The following SNX9 variants were observed in gnomAD, a reference collection of about 807,000 sequenced individuals.
The protein encoded by SNX9 is sorting nexin-9.
SNX9 carries 44 observed loss-of-function variants against 89.4 expected under a neutral mutation model. That is an observed-to-expected ratio of 0.49 (90% CI 0.39 to 0.63). The LOEUF (loss-of-function observed/expected upper bound fraction) is 0.63, where lower values mean the gene tolerates loss of function less well. Among genes scored for constraint, SNX9 ranks in the 30% least tolerant of loss-of-function variants. SNX9 has a pLI of 0.00. For missense variants in SNX9, 578 were observed against 736.1 expected, an observed-to-expected ratio of 0.79 and a Z score of 2.49; for synonymous variants, 236 against 247.8, an observed-to-expected ratio of 0.95 and a Z score of 0.45.
intron 9 of SNX9, among the ~76,000 whole-genome samples, chr6:157,919,453 G>GT (rs1295141741): frequency 2.8e-5 from 4 of 143,828 alleles, no homozygotes; most frequent in Non-Finnish European, 3.1e-5. Flanking sequence ...TTCACTAGGT[G>GT]TTTTTTTTCT....
chr6:157,888,268 G>C (rs1231855322), intron 4 of SNX9, among the ~76,000 whole-genome samples: 3 of 152,182 alleles, frequency 2.0e-5, no homozygotes, highest in Admixed American at 2.0e-4. Flanking sequence ...TTCCTCTGGA[G>C]TTTGTTTCTC....
chr6:157,911,174 C>T (rs913296022), intron 9 of SNX9, among the ~76,000 whole-genome samples: 1 of 152,084 alleles, frequency 6.6e-6, no homozygotes, highest in Non-Finnish European at 1.5e-5. Context: ...AAAGGTTAGA[C>T]AGAGTTTTAG....
intron 4 of SNX9, among the ~76,000 whole-genome samples, chr6:157,877,913 C>T (rs13218342): frequency 1.4e-4 from 22 of 152,224 alleles, no homozygotes; most frequent in African/African-American, 4.8e-4. Context: ...TCCTGAGTGT[C>T]GTATTTTTCT....
chr6:157,910,639 C>T (rs1041028443), intron 9 of SNX9, among the ~76,000 whole-genome samples: 1 of 152,152 alleles, frequency 6.6e-6, no homozygotes, highest in East Asian at 1.9e-4. Context: ...TCCCTCCCCT[C>T]CCCCAGCCCC....
chr6:157,827,029 CATATATATTATAGTTTATATAATATATAA>C (rs1781378621), intron 1 of SNX9, among the ~76,000 whole-genome samples: 1 of 10,214 alleles, frequency 9.8e-5, no homozygotes, highest in Non-Finnish European at 1.3e-4. Flanking sequence ...ATAATATATA[CATATATATTATAGTTTATATAATATATAA>C]ACATATATTA....
Position 157,932,204 on chromosome 6 carries a change from A to T in SNX9, c.1298A>T (p.Lys433Met). 10 of 1,614,176 alleles carry T rather than the reference A, an allele frequency of 6.2e-6. No individual in the cohort carries two copies. The highest frequency in any genetic ancestry group is 7.6e-6 in the Non-Finnish European group (9 of 1,179,990). Residue 433 changes from lysine (K) to methionine (M), a missense_variant, in exon 13 of 18, where the codon AAG becomes ATG. This residue lies in a region of SNX9 where 348 missense variants were observed against 491.4 expected (regional missense o/e 0.71). Coordinates refer to ENST00000392185, the MANE Select transcript of SNX9 (RefSeq NM_016224.5). ...CCTTTTTGTCTTTCAGCATTACCCA[A>T]GGAATATCAGAAGATAGGAAAGGCC... is the stretch of plus-strand genomic sequence containing the variant. ...HWKRCTGPLP[K>M]EYQKIGKALQ...
At chr6:157,879,730 T>A (rs746795883) in intron 4 of SNX9, among the ~76,000 whole-genome samples, 15 of 152,236 alleles carry the variant, frequency 9.9e-5, no homozygotes, top group Non-Finnish European at 2.1e-4. Context: ...CTGTGTGTGC[T>A]AGTCTTGTTT....
intron 2 of SNX9, among the ~76,000 whole-genome samples, chr6:157,871,697 T>A (rs911776888): frequency 2.0e-5 from 3 of 151,716 alleles, no homozygotes; most frequent in Admixed American, 6.6e-5. Context: ...TAAAAATTTT[T>A]AAAAATGCTA....
chr6:157,913,238 A>G (rs1197186838), intron 9 of SNX9, among the ~76,000 whole-genome samples: 1 of 152,094 alleles, frequency 6.6e-6, no homozygotes, highest in East Asian at 1.9e-4. Context: ...TGTTCTGTTC[A>G]AGTCCACTTT....
At chr6:157,875,020 GA>G (rs760891704) in intron 3 of SNX9, 30 bp from the exon 4 acceptor site, 2 of 1,611,452 alleles carry the variant, frequency 1.2e-6, no homozygotes, top group South Asian at 2.2e-5. Context: ...CGTAATCTAT[GA>G]AAATAATTGC....
At chr6:157,833,749 A>G (rs1439675474) in intron 1 of SNX9, among the ~76,000 whole-genome samples, 1 of 152,218 alleles carries the variant, frequency 6.6e-6, no homozygotes, top group Non-Finnish European at 1.5e-5. Flanking sequence ...TTCCTAAACC[A>G]TGACTCAGAT....
At chr6:157,860,485 C>T (rs559607502) in intron 1 of SNX9, among the ~76,000 whole-genome samples, 3 of 152,260 alleles carry the variant, frequency 2.0e-5, no homozygotes, top group East Asian at 1.9e-4. Context: ...GGCAGTCACA[C>T]GTAGGTTTCA....
chr6:157,928,533 C>A, intron 11 of SNX9, 66 bp from the exon 12 acceptor site: 1 of 1,287,804 alleles, frequency 7.8e-7, no homozygotes, highest in Non-Finnish European at 1.1e-6. Context: ...TTATATTTGG[C>A]CCGAGTATCC....
chr6:157,855,448 T>C (rs967251851), intron 1 of SNX9, among the ~76,000 whole-genome samples: 1 of 152,258 alleles, frequency 6.6e-6, no homozygotes, highest in Non-Finnish European at 1.5e-5. Context: ...GTAATCCTGA[T>C]AGGCATTACC....
intron 5 of SNX9, among the ~76,000 whole-genome samples, chr6:157,899,252 C>G (rs1783044136): frequency 1.3e-5 from 2 of 152,162 alleles, no homozygotes; most frequent in Admixed American, 6.5e-5. Context: ...TTTTTAATGT[C>G]CCCCTCGTTG....
At chr6:157,894,980 A>G (rs1006130712) in intron 4 of SNX9, among the ~76,000 whole-genome samples, 1 of 152,156 alleles carries the variant, frequency 6.6e-6, no homozygotes, top group Non-Finnish European at 1.5e-5. Flanking sequence ...AGATGAAGGG[A>G]CACATTGGGT....
intron 3 of SNX9, chr6:157,874,159 A>G (rs953272732): frequency 1.3e-5 from 2 of 152,242 alleles, no homozygotes; most frequent in African/African-American, 4.8e-5. Flanking sequence ...TCTGTTGTTG[A>G]TAGACAGTGA....
At chr6:157,921,768 C>T (rs1227717487) in intron 10 of SNX9, 107 bp downstream of exon 10, 2 of 1,275,556 alleles carry the variant, frequency 1.6e-6, no homozygotes, top group Non-Finnish European at 2.1e-6. Flanking sequence ...TTATTTCTCA[C>T]TTCCTCCAGT....
chr6:157,942,924 A>G lies in SNX9; in HGVS notation c.*86A>G, dbSNP rs1784072837. 6 of 1,409,048 alleles carry G rather than the reference A, an allele frequency of 4.3e-6. 1 individual carries two copies. The African/African-American group carries it at 7.3e-5, about 17-fold the overall frequency. 87.3% of individuals were successfully genotyped at this position (1,409,048 alleles called of 1,614,324 possible). ...CAAAACTTTTTTTCCCCTATTATTC[A>G]GAAAAAAAAGGAAACAAAACCAAAA... On this transcript the variant is annotated 3_prime_UTR_variant, in exon 18 of 18. Coordinates refer to ENST00000392185, the MANE Select transcript of SNX9 (RefSeq NM_016224.5).
Sources: allele counts gnomAD v4.1 joint callset (sites outside exome capture counted in the v4.1 genomes callset), GRCh38; gene constraint gnomAD v4.1.1; regional missense constraint gnomAD v4.1.1; transcripts MANE v1.5; gene names NCBI Gene and HGNC (gene_info 2026-07-23, HGNC 2026-07-21).